NEB: variants seen among roughly 807,000 people sequenced by gnomAD.
NEB encodes the protein nemaline myopathy type 2.
Under a neutral mutation model 952.2 loss-of-function variants are expected in NEB, and 512 were observed. That is an observed-to-expected ratio of 0.54 (90% CI 0.50 to 0.58). The LOEUF (loss-of-function observed/expected upper bound fraction) is 0.58, where lower values mean the gene tolerates loss of function less well. Among genes scored for constraint, NEB ranks in the 20% least tolerant of loss-of-function variants. NEB has a pLI of 0.00. For synonymous variants in NEB, 2,900 were observed against 3,149.8 expected, an observed-to-expected ratio of 0.92 and a Z score of 2.66; for missense variants, 8,428 against 9,231.1, an observed-to-expected ratio of 0.91 and a Z score of 3.56.
In NEB at chr2:151,694,588, C is replaced by T; in HGVS notation, c.1716G>A (p.Lys572=). ...GAATGGCATCCACTTTAATGTCAAA[C>T]TTTTTGGCTTTGCTCTTCTCCCAGT... The part of the protein sequence containing the change: ...KQDWEKSKAK[K]FDIKVDAIPL... The change falls in exon 19 of 182, where the codon AAG becomes AAA. Residue 572 remains lysine, a synonymous_variant. Transcript: ENST00000397345. The T allele has an allele frequency of 6.2e-7, 1 of 1,603,352 alleles. No individual in the cohort carries two copies. Among genetic ancestry groups the T allele is most frequent in the South Asian group, 1.1e-5 (1 of 89,784 alleles).
intron 134 of NEB, 59 bp from the exon 135 acceptor site, chr2:151,546,057 T>C: frequency 9.1e-7 from 1 of 1,099,570 alleles, no homozygotes; most frequent in Non-Finnish European, 1.3e-6. Context: ...GGGATTCATG[T>C]CATATTGTCT....
Position 151,530,144 on chromosome 2 carries a change from C to A in NEB, c.21631-830G>T, listed in dbSNP as rs1019198703. On this transcript the variant is annotated intron_variant, in intron 145 of 181. Coordinates refer to ENST00000397345, the MANE Select transcript of NEB (RefSeq NM_001164508.2). Reference sequence around the variant, plus strand: ...TCATTCCTAGTGTCAGGCACATAGACAATATTTGATGAATGAATGAACTGA... The same window carrying A: ...TCATTCCTAGTGTCAGGCACATAGAAAATATTTGATGAATGAATGAACTGA... Among the ~76,000 whole-genome samples the A allele has an allele frequency of 1.2e-4, 19 of 152,108 alleles. 1 individual carries two copies. Among genetic ancestry groups the A allele is most frequent in the Non-Finnish European group, 2.9e-5 (2 of 68,032 alleles).
rs200930670 is a variant in NEB at position 151,629,594 on chromosome 2, C to A, written c.9776G>T (p.Arg3259Leu). 22 of 1,613,742 alleles carry A rather than the reference C, an allele frequency of 1.4e-5. No individual in the cohort carries two copies. The highest frequency in any genetic ancestry group is 2.7e-5 in the African/African-American group (2 of 75,016). ...EEAKKKGYDL[R>L]SDAIPIVAAK... ...AGCCACGATGGGGATGGCGTCACTT[C>A]GCAAGTCGTAGCCTTTCTTTTTTGC... is the stretch of plus-strand genomic sequence containing the variant. The change falls in exon 68 of 182, where the codon CGA becomes CTA. Residue 3259 changes from arginine (R) to leucine (L), a missense_variant. By Grantham distance (102) the Arg-to-Leu change is moderately radical (BLOSUM62 -2). This residue lies in a region of NEB where 1,772 missense variants were observed against 1,960.3 expected (regional missense o/e 0.90). Transcript: ENST00000397345.
chr2:151,507,296 G>A (rs1205320971), intron 162 of NEB, among the ~76,000 whole-genome samples: 1 of 152,218 alleles, frequency 6.6e-6, no homozygotes, highest in Admixed American at 6.5e-5. Flanking sequence ...GGAAAGCAGT[G>A]ATAGTTCACA....
intron 181 of NEB, among the ~76,000 whole-genome samples, chr2:151,489,323 G>T (rs2054083269): frequency 6.6e-6 from 1 of 152,130 alleles, no homozygotes; most frequent in African/African-American, 2.4e-5. Flanking sequence ...AGATGATTTG[G>T]CTTACCATTT....
chr2:151,640,738 C>T, intron 60 of NEB, 72 bp from the exon 61 acceptor site: 2 of 1,458,942 alleles, frequency 1.4e-6, no homozygotes, highest in South Asian at 2.9e-5. Flanking sequence ...GCCTAACTTG[C>T]TCTATTTATT....
intron 161 of NEB, among the ~76,000 whole-genome samples, chr2:151,511,770 TATTC>T (rs2074562767): frequency 6.6e-6 from 1 of 152,178 alleles, no homozygotes; most frequent in Non-Finnish European, 1.5e-5. Flanking sequence ...GATGGAGAGT[TATTC>T]ATCATGAGGG....
chr2:151,640,541 C>T lies in NEB; in HGVS notation c.8499G>A (p.Lys2833=), dbSNP rs183998406. The T allele has an allele frequency of 5.9e-4, 957 of 1,613,946 alleles. 13 individuals are homozygous for T. In the East Asian group the frequency reaches 0.019, roughly 32 times the overall value. ...VAKIQSDREY[K]KDFEKWKTKF... Reference sequence around the variant, plus strand: ...TGGTCTTCCACTTCTCAAAGTCCTTCTTGTACTCCCTGTCACTCTGGATCT... The same window carrying T: ...TGGTCTTCCACTTCTCAAAGTCCTTTTTGTACTCCCTGTCACTCTGGATCT... Residue 2833 remains lysine, a synonymous_variant, in exon 61 of 182, where the codon AAG becomes AAA. Coordinates refer to ENST00000397345, the MANE Select transcript of NEB (RefSeq NM_001164508.2).
intron 64 of NEB, 121 bp downstream of exon 64, chr2:151,636,106 C>T: frequency 2.3e-6 from 2 of 878,012 alleles, no homozygotes; most frequent in Non-Finnish European, 3.4e-6. Context: ...TTTGAAAAAT[C>T]CTACACAAAT....
Position 151,627,732 on chromosome 2 carries a change from T to G in NEB, c.9934A>C (p.Ile3312Leu), listed in dbSNP as rs1236453917. 1 of 1,613,880 alleles carries G rather than the reference T, an allele frequency of 6.2e-7. No individual in the cohort carries two copies. The highest frequency in any genetic ancestry group is 8.5e-7 in the Non-Finnish European group (1 of 1,179,894). The change falls in exon 69 of 182, where the codon ATC (isoleucine) becomes CTC (leucine). Residue 3312 changes from isoleucine (I) to leucine (L), a missense_variant. Ile to Leu is a conservative substitution (Grantham distance 5). Around this residue, in one of 11 missense-constraint regions of NEB, gnomAD observed 1,772 missense variants for 1,960.3 expected, o/e 0.90. Coordinates refer to ENST00000397345, the MANE Select transcript of NEB (RefSeq NM_001164508.2). ...KMMWSMHVAKIQSDREYKKDF... is the reference protein window; with the variant it reads ...KMMWSMHVAKLQSDREYKKDF... ...TTCTTATACTCCCTGTCACTCTGGA[T>G]CTTGGCCACATGCATGGACCACATC... is the stretch of plus-strand genomic sequence containing the variant.
chr2:151,726,124 G>T (rs920605716), intron 5 of NEB, among the ~76,000 whole-genome samples: 3 of 152,138 alleles, frequency 2.0e-5, no homozygotes, highest in Admixed American at 6.6e-5. Context: ...TGTTTTGGGA[G>T]TACTCTTAAG....
rs2099192932 is a variant in NEB, at chr2:151,664,906, G to C, written c.5239-43C>G. ...GGTGCATGATTTTACAGCAGGACAA[G>C]TTTGACCCAATGCTAGCAAGAGGAA... On this transcript the variant is annotated intron_variant, in intron 42 of 181. Coordinates refer to ENST00000397345, the MANE Select transcript of NEB (RefSeq NM_001164508.2). The C allele has an allele frequency of 3.5e-6, 5 of 1,422,794 alleles. No individual in the cohort carries two copies. In the East Asian group the frequency reaches 1.2e-4, roughly 33 times the overall value. 88.1% of individuals were successfully genotyped at this position (1,422,794 alleles called of 1,614,324 possible).
chr2:151,519,556 A>T, intron 154 of NEB, 102 bp downstream of exon 154: 1 of 849,678 alleles, frequency 1.2e-6, no homozygotes, highest in Middle Eastern at 3.5e-4. Context: ...CAGTAGTTGG[A>T]TAATATTGTG....
In NEB at chr2:151,505,575, A is replaced by C. The variant is rs773618223; in HGVS notation, c.23650-5T>G. 1.2e-4 allele frequency: 197 copies of C among 1,607,970 alleles called. No individual in the cohort carries two copies. The highest frequency in any genetic ancestry group is 1.6e-4 in the Non-Finnish European group (193 of 1,174,510). On this transcript the variant is annotated splice_polypyrimidine_tract_variant and splice_region_variant and intron_variant, in intron 164 of 181. Coordinates refer to ENST00000397345, the MANE Select transcript of NEB (RefSeq NM_001164508.2). The stretch of plus-strand genomic sequence containing the variant: ...TATTGCTTCCTTATACTTCACCTGC[A>C]GATTTAAAAATGGGAAAAGAAAGGT...
At chr2:151,631,946 A>C (rs2098676052) in intron 65 of NEB, among the ~76,000 whole-genome samples, 1 of 152,202 alleles carries the variant, frequency 6.6e-6, no homozygotes, top group Non-Finnish European at 1.5e-5. Flanking sequence ...CTTTAAAAAC[A>C]CAGTTAAAAT....
intron 13 of NEB, among the ~76,000 whole-genome samples, chr2:151,701,000 T>G (rs1576879389): frequency 3.3e-5 from 2 of 61,030 alleles, no homozygotes; most frequent in Admixed American, 2.1e-4. Context: ...TGGCTGTGGG[T>G]TTGTCATAGA....
Position 151,627,765 on chromosome 2 carries a change from G to T in NEB, c.9901C>A (p.Pro3301Thr). 6.2e-7 allele frequency: 1 copy of T among 1,613,904 alleles called. No individual in the cohort carries two copies. The highest frequency in any genetic ancestry group is 8.5e-7 in the Non-Finnish European group (1 of 1,179,884). The change falls in exon 69 of 182, where the codon CCC (proline) becomes ACC (threonine). Residue 3301 changes from proline to threonine, a missense_variant. Transcript: ENST00000397345. ...HIGARNIEDD[P>T]KMMWSMHVAK... ...ACATGCATGGACCACATCATCTTGG[G>T]GTCATCTTCAATGTTCCGGGCTCCA... is the stretch of plus-strand genomic sequence containing the variant.
At chr2:151,713,176 T>C (rs1428270091) in intron 10 of NEB, among the ~76,000 whole-genome samples, 1 of 152,156 alleles carries the variant, frequency 6.6e-6, no homozygotes, top group African/African-American at 2.4e-5. Flanking sequence ...TGCTTAAACA[T>C]ATAGCTTCAT....
intron 35 of NEB, among the ~76,000 whole-genome samples, chr2:151,674,984 A>C (rs2099347886): frequency 6.6e-6 from 1 of 152,156 alleles, no homozygotes; most frequent in African/African-American, 2.4e-5. Context: ...ATTTATTCTT[A>C]TGTTTCTGGA....
Sources: allele counts gnomAD v4.1 joint callset (sites outside exome capture counted in the v4.1 genomes callset), GRCh38; gene constraint gnomAD v4.1.1; regional missense constraint gnomAD v4.1.1; transcripts MANE v1.5; gene names NCBI Gene and HGNC (gene_info 2026-07-23, HGNC 2026-07-21).